The following ARID1B variants were observed in gnomAD, a reference collection of about 807,000 sequenced individuals.
ARID1B encodes AT-rich interactive domain-containing protein 1B.
A neutral mutation model predicts 212.3 loss-of-function variants in ARID1B; 30 were observed. That is an observed-to-expected ratio of 0.14 (90% confidence interval 0.11 to 0.19). The LOEUF (loss-of-function observed/expected upper bound fraction) is 0.19, where lower values mean the gene tolerates loss of function less well. Ranked by LOEUF, ARID1B falls within the 10% of genes least tolerant of loss-of-function variation. ARID1B has a pLI of 1.00. For missense variants in ARID1B, 2,891 were observed against 3,204.0 expected (o/e 0.90, Z 2.36); for synonymous variants, 1,402 against 1,301.7 (o/e 1.08, Z -1.66).
At position 156,777,698 on chromosome 6, in the gene ARID1B, AGCGGCG is replaced by A. The variant is rs1046451353; in HGVS notation, c.37_42del (p.Ala13_Ala14del). ...CGGCGATCATGGCCGCGCGGGCAGCAGCGGCGGCGGCGGCGGCGGCGGCGCGGGCGC... is the reference window on the plus strand; with the variant it reads ...CGGCGATCATGGCCGCGCGGGCAGCAGCGGCGGCGGCGGCGGCGCGGGCGC... On this transcript the variant is annotated inframe_deletion, in exon 1 of 20. Coordinates refer to ENST00000636930, the MANE Select transcript of ARID1B (RefSeq NM_001374828.1). 224 of 146,742 alleles carry A rather than the reference AGCGGCG, an allele frequency of 1.5e-3. 1 individual carries two copies. The highest frequency in any genetic ancestry group is 1.3e-3 in the Non-Finnish European group (89 of 67,774). 9.1% of individuals were successfully genotyped at this position (146,742 alleles called of 1,614,324 possible). A position where few individuals can be genotyped will look rare whatever the true frequency, so the allele number is the denominator to read the frequency against.
intron 1 of ARID1B, among the ~76,000 whole-genome samples, chr6:156,824,767 AAAAC>A (rs1327405370): frequency 0.011 from 1,687 of 152,274 alleles, 29 homozygotes; most frequent in African/African-American, 0.038. Context: ...CCTGTCTCAG[AAAAC>A]AAAACAAAAC....
At chr6:156,791,763 C>T (rs1209758161) in intron 1 of ARID1B, among the ~76,000 whole-genome samples, 2 of 152,150 alleles carry the variant, frequency 1.3e-5, no homozygotes, top group African/African-American at 4.8e-5. Context: ...TCACAATGTG[C>T]TGATGTGCAG....
chr6:156,869,899 C>A (rs542180908), intron 2 of ARID1B, among the ~76,000 whole-genome samples: 7 of 151,934 alleles, frequency 4.6e-5, no homozygotes, highest in Admixed American at 2.0e-4. Context: ...TTTAAAATAT[C>A]ATTTCCAATA....
intron 2 of ARID1B, among the ~76,000 whole-genome samples, chr6:156,835,246 A>G (rs1465128845): frequency 2.0e-5 from 3 of 151,828 alleles, no homozygotes; most frequent in African/African-American, 2.4e-5. Flanking sequence ...TCACAAAAAA[A>G]AAAAAAAAAA....
rs766654973 is a variant in ARID1B at position 157,133,065 on chromosome 6, T to C, written c.2619T>C (p.Ala873=). ...MAGTQRNPQM[A]QYGPQQTGPS... ...GCACACAAAGAAACCCTCAGATGGC[T>C]CAGTATGGACCTCAACAGACAGGAC... is the stretch of plus-strand genomic sequence containing the variant. The change falls in exon 7 of 20, where the codon GCT becomes GCC. Residue 873 remains alanine, a synonymous_variant. Coordinates refer to ENST00000636930, the MANE Select transcript of ARID1B (RefSeq NM_001374828.1). 6.2e-7 allele frequency: 1 copy of C among 1,611,604 alleles called. No homozygotes were observed. The highest frequency in any genetic ancestry group is 1.7e-5 in the Admixed American group (1 of 59,226).
At chr6:157,051,192 G>A (rs1782581173) in intron 4 of ARID1B, among the ~76,000 whole-genome samples, 1 of 152,198 alleles carries the variant, frequency 6.6e-6, no homozygotes, top group Non-Finnish European at 1.5e-5. Flanking sequence ...TTATTTAGCT[G>A]GCTGTGTGAT....
intron 6 of ARID1B, among the ~76,000 whole-genome samples, chr6:157,118,763 C>T (rs940744167): frequency 6.6e-6 from 1 of 152,158 alleles, no homozygotes; most frequent in African/African-American, 2.4e-5. Flanking sequence ...AGGTTCATCC[C>T]AAAGCTGGGA....
intron 3 of ARID1B, among the ~76,000 whole-genome samples, chr6:156,923,124 G>T (rs1051344840): frequency 3.3e-5 from 5 of 152,184 alleles, no homozygotes; most frequent in African/African-American, 1.2e-4. Flanking sequence ...GCCCAAGGAG[G>T]ATAGGTGAAG....
chr6:157,106,321 C>G (rs1483245466), intron 5 of ARID1B, among the ~76,000 whole-genome samples: 1 of 152,314 alleles, frequency 6.6e-6, no homozygotes. Context: ...CACCTCTTAG[C>G]TGCTCAGGAC....
In ARID1B at chr6:157,203,373, G is replaced by A. The variant is rs768334043; in HGVS notation, c.5264-493G>A. Among the ~76,000 whole-genome samples, 22 of 152,216 alleles carry A rather than the reference G, an allele frequency of 1.4e-4. No homozygotes were observed. The highest frequency in any genetic ancestry group is 2.5e-4 in the Non-Finnish European group (17 of 68,046). ...GGACTAGAGGAAAGCAGCCTGGGAA[G>A]CCAAGGCCGTGTGTCTGAGGAGGCT... On this transcript the variant is annotated intron_variant, in intron 18 of 19. Transcript: ENST00000636930. The surrounding 1 kb of genome is among the most constrained non-coding windows in gnomAD (Gnocchi z 4.4).
Position 156,777,784 on chromosome 6 carries a change from C to T in ARID1B, c.104C>T (p.Pro35Leu), listed in dbSNP as rs942239707. 31 of 919,226 alleles carry T rather than the reference C, an allele frequency of 3.4e-5. No individual in the cohort carries two copies. The African/African-American group carries it at 5.5e-4, about 16-fold the overall frequency. 56.9% of individuals were successfully genotyped at this position (919,226 alleles called of 1,614,324 possible). Residue 35 changes from proline (P) to leucine (L), a missense_variant, in exon 1 of 20, where the codon CCC becomes CTC. Coordinates refer to ENST00000636930, the MANE Select transcript of ARID1B (RefSeq NM_001374828.1). ...GCGCCCCCCGGGCCGCGGCCGGCGCCCGGAGCCCGGGACCTGGAGGCGGGG... is the reference window on the plus strand; with the variant it reads ...GCGCCCCCCGGGCCGCGGCCGGCGCTCGGAGCCCGGGACCTGGAGGCGGGG... The part of the protein sequence containing the change: ...RRAPPGPRPA[P>L]GARDLEAGAR...
chr6:157,007,741 T>TG (rs1421659789), intron 4 of ARID1B, among the ~76,000 whole-genome samples: 2 of 137,772 alleles, frequency 1.5e-5, no homozygotes, highest in Non-Finnish European at 3.3e-5. Flanking sequence ...TTTTTTTTTT[T>TG]TTCCCCAAGA....
intron 2 of ARID1B, among the ~76,000 whole-genome samples, chr6:156,879,515 C>T (rs558411293): frequency 6.6e-6 from 1 of 152,168 alleles, no homozygotes; most frequent in Non-Finnish European, 1.5e-5. Context: ...GTTTCACACT[C>T]GCAAATTGCT....
chr6:156,871,075 A>AT (rs5881197), intron 2 of ARID1B, among the ~76,000 whole-genome samples: 2,375 of 152,076 alleles, frequency 0.016, 60 homozygotes, highest in African/African-American at 0.054. Flanking sequence ...AATCTGAGTG[A>AT]TTTTTTTTGC....
intron 11 of ARID1B, among the ~76,000 whole-genome samples, chr6:157,177,840 A>G (rs1792204815): frequency 6.6e-6 from 1 of 152,194 alleles, no homozygotes; most frequent in African/African-American, 2.4e-5. Flanking sequence ...GTGACTGGGA[A>G]AAGTGAACCC....
chr6:156,937,794 C>A (rs1234998678), intron 4 of ARID1B: 2 of 151,974 alleles, frequency 1.3e-5, no homozygotes, highest in Non-Finnish European at 2.9e-5. Context: ...TGTATAACAG[C>A]TATCTTCCTT....
chr6:156,939,602 A>T (rs1582992383), intron 4 of ARID1B: 1 of 152,088 alleles, frequency 6.6e-6, no homozygotes, highest in African/African-American at 2.4e-5. Context: ...GGGATCTGTT[A>T]GGTGGCATTG....
At chr6:156,881,469 A>G (rs1474539273) in intron 2 of ARID1B, among the ~76,000 whole-genome samples, 2 of 152,194 alleles carry the variant, frequency 1.3e-5, no homozygotes, top group East Asian at 1.9e-4. Context: ...ACATCTATGT[A>G]TATATATAGT....
chr6:156,858,564 A>T lies in ARID1B; in HGVS notation c.1986+29143A>T, dbSNP rs555897886. 2.0e-5 allele frequency among the ~76,000 whole-genome samples: 3 copies of T among 152,310 alleles called. No homozygotes were observed. The South Asian group carries it at 6.2e-4, about 32-fold the overall frequency. ...TCAGATCACTTGAGGTCAGGAGTTC[A>T]AGACGATCCTGGCCAACATGGTGAA... On this transcript the variant is annotated intron_variant, in intron 2 of 19. Coordinates refer to ENST00000636930, the MANE Select transcript of ARID1B (RefSeq NM_001374828.1).
Sources: allele counts gnomAD v4.1 joint callset (sites outside exome capture counted in the v4.1 genomes callset), GRCh38; gene constraint gnomAD v4.1.1; non-coding constraint Gnocchi (gnomAD v3.1); transcripts MANE v1.5; gene names NCBI Gene and HGNC (gene_info 2026-07-23, HGNC 2026-07-21).